Variants in CDKAL1 observed in about 807,000 individuals in gnomAD.
CDKAL1 encodes the protein threonylcarbamoyladenosine tRNA methylthiotransferase.
CDKAL1 carries 32 observed loss-of-function variants against 68.2 expected under a neutral mutation model. The observed-to-expected ratio is 0.47, with a 90% CI of 0.35 to 0.63. The LOEUF (loss-of-function observed/expected upper bound fraction) is 0.63. Ranked by LOEUF, CDKAL1 falls within the 30% of genes least tolerant of loss-of-function variation. The pLI, the probability that CDKAL1 is intolerant of heterozygous loss-of-function variation, is 0.00. For missense variants in CDKAL1, 606 were observed against 696.7 expected, an observed-to-expected ratio of 0.87 and a Z score of 1.47; for synonymous variants, 234 against 244.3, an observed-to-expected ratio of 0.96 and a Z score of 0.39.
chr6:20,917,265 G>T (rs1298556829), intron 9 of CDKAL1, among the ~76,000 whole-genome samples: 2 of 152,274 alleles, frequency 1.3e-5, no homozygotes, highest in South Asian at 4.1e-4. Flanking sequence ...ACAGACATGA[G>T]CCACTGCACC....
At chr6:20,782,550 A>G (rs1008426070) in intron 8 of CDKAL1, among the ~76,000 whole-genome samples, 1 of 152,064 alleles carries the variant, frequency 6.6e-6, no homozygotes, top group East Asian at 1.9e-4. Flanking sequence ...TGATTATCCT[A>G]TTTAAAATTG....
At chr6:21,105,334 A>G (rs1440837070) in intron 12 of CDKAL1, among the ~76,000 whole-genome samples, 1 of 152,184 alleles carries the variant, frequency 6.6e-6, no homozygotes, top group Non-Finnish European at 1.5e-5. Context: ...TTTGATGGTC[A>G]GAAGCACTGC....
intron 8 of CDKAL1, among the ~76,000 whole-genome samples, chr6:20,834,309 A>G (rs1014421661): frequency 6.6e-6 from 1 of 152,144 alleles, no homozygotes; most frequent in Admixed American, 6.6e-5. Flanking sequence ...GCTACATCTC[A>G]GCTGCATTTT....
intron 8 of CDKAL1, among the ~76,000 whole-genome samples, chr6:20,817,564 A>G (rs1368146717): frequency 6.6e-6 from 1 of 152,152 alleles, no homozygotes; most frequent in Non-Finnish European, 1.5e-5. Context: ...CATGAACACA[A>G]TGTGCGGGGT....
At chr6:20,792,825 T>C (rs962110787) in intron 8 of CDKAL1, among the ~76,000 whole-genome samples, 2 of 152,258 alleles carry the variant, frequency 1.3e-5, no homozygotes, top group African/African-American at 4.8e-5. Flanking sequence ...AATGTATCAC[T>C]GCTCTTGGGA....
At chr6:20,928,940 T>C (rs1763305097) in intron 9 of CDKAL1, among the ~76,000 whole-genome samples, 1 of 152,180 alleles carries the variant, frequency 6.6e-6, no homozygotes, top group Non-Finnish European at 1.5e-5. Flanking sequence ...CGAAGTCGAG[T>C]CCTGGATTCA....
At chr6:20,852,723 C>G (rs1759084567) in intron 9 of CDKAL1, among the ~76,000 whole-genome samples, 1 of 152,172 alleles carries the variant, frequency 6.6e-6, no homozygotes, top group Non-Finnish European at 1.5e-5. Context: ...CTCTGAGTTT[C>G]TGTCAGTGGT....
chr6:20,723,702 A>G (rs1024456866), intron 5 of CDKAL1: 2 of 152,844 alleles, frequency 1.3e-5, no homozygotes, highest in African/African-American at 4.8e-5. Context: ...AGTTTTTTTA[A>G]GTGTCCTAAA....
chr6:20,551,655 C>G (rs968625624), intron 4 of CDKAL1, among the ~76,000 whole-genome samples: 4 of 152,254 alleles, frequency 2.6e-5, no homozygotes, highest in African/African-American at 9.6e-5. Flanking sequence ...CAGGTGTGAG[C>G]CACCGCGCCT....
chr6:20,856,295 A>G (rs1195316554), intron 9 of CDKAL1, among the ~76,000 whole-genome samples: 1 of 152,234 alleles, frequency 6.6e-6, no homozygotes, highest in Non-Finnish European at 1.5e-5. Context: ...TGAGTGGTTA[A>G]TCTAGAATTG....
intron 4 of CDKAL1, among the ~76,000 whole-genome samples, chr6:20,570,968 C>T (rs1000063789): frequency 2.6e-5 from 4 of 152,070 alleles, no homozygotes; most frequent in Admixed American, 2.6e-4. Context: ...TATCTTCCCA[C>T]TAGATTAAAA....
intron 9 of CDKAL1, among the ~76,000 whole-genome samples, chr6:20,868,208 A>G (rs981445055): frequency 2.0e-5 from 3 of 152,234 alleles, no homozygotes; most frequent in African/African-American, 4.8e-5. Context: ...TCTGCCGTGT[A>G]GAAAAGGTAC....
At chr6:20,563,806 C>T (rs890483876) in intron 4 of CDKAL1, among the ~76,000 whole-genome samples, 4 of 151,982 alleles carry the variant, frequency 2.6e-5, no homozygotes, top group Non-Finnish European at 4.4e-5. Flanking sequence ...CCAAATTATA[C>T]AAAAAATACT....
chr6:20,930,354 T>C (rs540854970), intron 9 of CDKAL1, among the ~76,000 whole-genome samples: 56 of 152,230 alleles, frequency 3.7e-4, no homozygotes, highest in Non-Finnish European at 6.0e-4. Context: ...CCAAGCTCTA[T>C]TTCTGTGCTT....
At chr6:20,913,210 C>T (rs188565499) in intron 9 of CDKAL1, among the ~76,000 whole-genome samples, 63 of 151,958 alleles carry the variant, frequency 4.1e-4, no homozygotes, top group South Asian at 8.4e-4. Context: ...ATCTCACAGT[C>T]TCTGTGGGAG....
chr6:20,543,339 T>C (rs1047279728), intron 2 of CDKAL1, among the ~76,000 whole-genome samples: 3 of 152,258 alleles, frequency 2.0e-5, no homozygotes, highest in African/African-American at 7.2e-5. Flanking sequence ...GTGGTTTCAC[T>C]GTTGTCTGTT....
At chr6:21,217,714 T>C (rs1184563126) in intron 15 of CDKAL1, among the ~76,000 whole-genome samples, 1 of 152,150 alleles carries the variant, frequency 6.6e-6, no homozygotes, top group East Asian at 1.9e-4. Context: ...GCCACACTGG[T>C]CTCGAACTCC....
chr6:20,598,352 T>C (rs1357071616), intron 4 of CDKAL1, among the ~76,000 whole-genome samples: 1 of 152,246 alleles, frequency 6.6e-6, no homozygotes, highest in Admixed American at 6.5e-5. Context: ...ACATACCAAT[T>C]TTTGTTTCTA....
chr6:20,998,049 T>A (rs572427776), intron 10 of CDKAL1, among the ~76,000 whole-genome samples: 30 of 152,170 alleles, frequency 2.0e-4, no homozygotes, highest in Non-Finnish European at 3.7e-4. Flanking sequence ...ACAGCCTGAG[T>A]GTGAAGTTTC....
Sources: allele counts gnomAD v4.1 joint callset (sites outside exome capture counted in the v4.1 genomes callset), GRCh38; gene constraint gnomAD v4.1.1; transcripts MANE v1.5; gene names NCBI Gene and HGNC (gene_info 2026-07-23, HGNC 2026-07-21).